The following PLSCR2 variants were observed in gnomAD, a reference collection of about 807,000 sequenced individuals.
The protein encoded by PLSCR2 is phospholipid scramblase 2.
Under a neutral mutation model 25.3 loss-of-function variants are expected in PLSCR2, and 18 were observed. The observed-to-expected ratio is 0.71, with a 90% confidence interval of 0.49 to 1.06. The LOEUF (loss-of-function observed/expected upper bound fraction) is 1.06, where lower values mean the gene tolerates loss of function less well. Ranked by LOEUF, PLSCR2 falls within the 50% of genes least tolerant of loss-of-function variation. The probability of loss-of-function intolerance (pLI) is 0.00; values close to 1 mark genes in which losing one functional copy is unlikely to be tolerated. For missense variants in PLSCR2, 243 were observed against 269.5 expected (o/e 0.90, Z 0.69); for synonymous variants, 88 against 87.3 (o/e 1.01, Z -0.04).
intron 2 of PLSCR2, among the ~76,000 whole-genome samples, chr3:146,409,685 G>GA (rs1270508881): frequency 1.3e-5 from 2 of 152,094 alleles, no homozygotes; most frequent in African/African-American, 4.8e-5. Context: ...ATAATTCTCT[G>GA]AAAAACCGAG....
At chr3:146,411,977 A>G (rs1360648226) in intron 2 of PLSCR2, among the ~76,000 whole-genome samples, 4 of 123,336 alleles carry the variant, frequency 3.2e-5, no homozygotes, top group Non-Finnish European at 7.1e-5. Context: ...TAGATGTGCT[A>G]GGAGTCAGCT....
chr3:146,402,553 C>T (rs1270379252), intron 2 of PLSCR2, among the ~76,000 whole-genome samples: 6 of 151,924 alleles, frequency 3.9e-5, no homozygotes, highest in African/African-American at 7.3e-5. Context: ...CTACAACCTC[C>T]GCCTCCCAGG....
intron 2 of PLSCR2, among the ~76,000 whole-genome samples, chr3:146,427,049 T>G (rs2039381123): frequency 6.6e-6 from 1 of 152,218 alleles, no homozygotes; most frequent in African/African-American, 2.4e-5. Flanking sequence ...AAAAATACAA[T>G]TCTCCACTTT....
At chr3:146,424,624 T>C (rs1456019422) in intron 2 of PLSCR2, among the ~76,000 whole-genome samples, 1 of 152,134 alleles carries the variant, frequency 6.6e-6, no homozygotes, top group Non-Finnish European at 1.5e-5. Context: ...GTTACCAGCA[T>C]GGTCAACTGA....
At chr3:146,465,555 G>A (rs1163971134) in intron 1 of PLSCR2, among the ~76,000 whole-genome samples, 2 of 132,018 alleles carry the variant, frequency 1.5e-5, no homozygotes, top group South Asian at 2.4e-4. Flanking sequence ...ACTCTCTCCC[G>A]CCACACTCAC....
chr3:146,393,051 C>CA lies in PLSCR2; in HGVS notation c.*146-1490dup, dbSNP rs2038143900. Among the ~76,000 whole-genome samples, 4 of 104,494 alleles carry CA rather than the reference C, an allele frequency of 3.8e-5. No homozygotes were observed. In the Admixed American group the frequency reaches 5.6e-4, roughly 15 times the overall value. 68.6% of individuals were successfully genotyped at this position (104,494 alleles called of 152,430 possible). On this transcript the variant is annotated intron_variant and NMD_transcript_variant, in intron 3 of 3. Coordinates refer to the PLSCR2 transcript ENST00000463633. ...CCTTTTTTTTTTTTTTTTTTTGAGA[C>CA]AGAGTCTCGCTCTGTTGTCCAGGCT...
At chr3:146,425,061 T>C (rs2039294694) in intron 2 of PLSCR2, among the ~76,000 whole-genome samples, 1 of 55,266 alleles carries the variant, frequency 1.8e-5, no homozygotes, top group Non-Finnish European at 4.1e-5. Flanking sequence ...AATAAATTTG[T>C]GTTTGTTTCA....
chr3:146,449,342 A>G (rs766289842), exon 6 of PLSCR2: 1 of 1,602,606 alleles, frequency 6.2e-7, no homozygotes, highest in South Asian at 1.1e-5. Context: ...CCTGCCAACC[A>G]CAATTTGTTC....
chr3:146,495,947 G>C, upstream of PLSCR2: 3 of 1,531,820 alleles, frequency 2.0e-6, no homozygotes, highest in Non-Finnish European at 2.6e-6. Flanking sequence ...ACAATCCAGA[G>C]TCTCTCAGAA....
chr3:146,439,730 C>T (rs746879627), downstream of PLSCR2, among the ~76,000 whole-genome samples: 33 of 152,148 alleles, frequency 2.2e-4, no homozygotes, highest in African/African-American at 3.6e-4. Context: ...TCCTTTAGCT[C>T]GGAGTTTGTT....
chr3:146,474,324 C>T (rs142710887), intron 1 of PLSCR2, among the ~76,000 whole-genome samples: 8 of 152,244 alleles, frequency 5.3e-5, no homozygotes, highest in African/African-American at 1.9e-4. Flanking sequence ...ATTTCCACGG[C>T]ACCAAGGGGG....
intron 2 of PLSCR2, among the ~76,000 whole-genome samples, chr3:146,407,624 G>A (rs1022329898): frequency 3.9e-5 from 6 of 152,104 alleles, no homozygotes; most frequent in African/African-American, 1.4e-4. Flanking sequence ...GCTGAGGTGA[G>A]TAGCCTGCAT....
At chr3:146,483,509 A>ATATATATATAC (rs1553791539) in intron 1 of PLSCR2, among the ~76,000 whole-genome samples, 2 of 127,074 alleles carry the variant, frequency 1.6e-5, no homozygotes, top group African/African-American at 3.1e-5. Context: ...ATATATATAT[A>ATATATATATAC]ATGTTACTAC....
chr3:146,482,629 G>A (rs1424552709), intron 1 of PLSCR2, among the ~76,000 whole-genome samples: 1 of 152,212 alleles, frequency 6.6e-6, no homozygotes, highest in Non-Finnish European at 1.5e-5. Context: ...CTGTTGGTGG[G>A]ACTGTGAATT....
At chr3:146,460,650 G>A (rs1016839049), upstream of PLSCR2, among the ~76,000 whole-genome samples, 4 of 152,174 alleles carry the variant, frequency 2.6e-5, no homozygotes, top group Non-Finnish European at 5.9e-5. Context: ...AGGAGAGACT[G>A]ATATTGTCAG....
chr3:146,469,437 C>T lies in PLSCR2; in HGVS notation c.-292-9153G>A, dbSNP rs1366894674. The stretch of plus-strand genomic sequence containing the variant: ...CAATTATGGGGCGGAGCATCGTCCC[C>T]ACTAGCCAGGCACACCCCAGTCCCA... On this transcript the variant is annotated intron_variant, in intron 1 of 8. Transcript: ENST00000336685. 9.8e-6 allele frequency: 9 copies of T among 922,412 alleles called. No homozygotes were observed. The East Asian group carries it at 9.5e-4, about 97-fold the overall frequency. 57.1% of individuals were successfully genotyped at this position (922,412 alleles called of 1,614,324 possible).
At chr3:146,442,840 A>G (rs4681119) in intron 6 of PLSCR2, among the ~76,000 whole-genome samples, 89,505 of 151,822 alleles carry the variant, frequency 0.59, 26,670 homozygotes, top group South Asian at 0.76. Context: ...TGTAAAACCT[A>G]TACTGTAAAA....
At chr3:146,479,503 A>G (rs1209233599) in intron 1 of PLSCR2, among the ~76,000 whole-genome samples, 1 of 152,242 alleles carries the variant, frequency 6.6e-6, no homozygotes, top group Non-Finnish European at 1.5e-5. Flanking sequence ...GAAGGCCATT[A>G]CATAATGGTA....
At chr3:146,444,356 AG>A (rs1251726527) in intron 6 of PLSCR2, among the ~76,000 whole-genome samples, 1 of 151,658 alleles carries the variant, frequency 6.6e-6, no homozygotes, top group East Asian at 1.9e-4. Context: ...GCTGAAAAGT[AG>A]GGTGTTGAAG....
Sources: gnomAD v4.1 joint callset for allele counts (sites outside exome capture counted in the v4.1 genomes callset) on GRCh38, gnomAD v4.1.1 for gene constraint, MANE v1.5 for transcripts, NCBI Gene and HGNC (gene_info 2026-07-23, HGNC 2026-07-21) for gene names.